Variants in MLLT1 observed in about 807,000 individuals in gnomAD.
The protein encoded by MLLT1 is MLLT1 super elongation complex subunit, also known as protein ENL.
A neutral mutation model predicts 55.1 loss-of-function variants in MLLT1; 11 were observed. The observed-to-expected ratio is 0.20, with a 90% CI of 0.13 to 0.33. The LOEUF (loss-of-function observed/expected upper bound fraction) is 0.33. Among genes scored for constraint, MLLT1 ranks in the 10% least tolerant of loss-of-function variants. The pLI is 1.00. For missense variants in MLLT1, 536 were observed against 760.6 expected (o/e 0.70, Z 3.47); for synonymous variants, 323 against 320.1 (o/e 1.01, Z -0.10).
At position 6,279,822 on chromosome 19, in the gene MLLT1, T is replaced by TCGCCGC. The variant is rs898522554; in HGVS notation, c.-44_-39dup. The TCGCCGC allele has an allele frequency of 3.8e-4, 56 of 148,434 alleles. No homozygotes were observed. Among genetic ancestry groups the TCGCCGC allele is most frequent in the Admixed American group, 1.4e-3 (20 of 14,418 alleles). The allele number at this position is 148,434 out of a possible 1,614,324, so 9.2% of individuals were successfully genotyped here. ...GCCCCGCCCCCGGGCCCCGCGTCGC[T>TCGCCGC]CGCCGCCGCCGCCGCCGCCGCCGCC... On this transcript the variant is annotated 5_prime_UTR_variant, in exon 1 of 12. Transcript: ENST00000252674.
At chr19:6,218,496 C>T (rs950010411) in intron 6 of MLLT1, among the ~76,000 whole-genome samples, 21 of 152,198 alleles carry the variant, frequency 1.4e-4, no homozygotes, top group Admixed American at 1.1e-3. Context: ...CAGTGCTGTC[C>T]GGGGCTCAGG....
At chr19:6,215,979 G>A (rs1406540738) in intron 8 of MLLT1, among the ~76,000 whole-genome samples, 9 of 152,194 alleles carry the variant, frequency 5.9e-5, no homozygotes, top group Non-Finnish European at 1.3e-4. Flanking sequence ...CGCTGCCCCA[G>A]GACGGGCTCT....
rs576609560 is a variant in MLLT1, at chr19:6,219,491, G to C, written c.1111-1450C>G. Among the ~76,000 whole-genome samples, 1 of 152,202 alleles carries C rather than the reference G, an allele frequency of 6.6e-6. No individual in the cohort carries two copies. The highest frequency in any genetic ancestry group is 1.9e-4 in the East Asian group (1 of 5,194). ...AGGGGTGAGTAAGAGGTGACCGAGA[G>C]ATGGCCTATTTAACCCCAGCCTTCT... On this transcript the variant is annotated intron_variant, in intron 6 of 11. Coordinates refer to ENST00000252674, the MANE Select transcript of MLLT1 (RefSeq NM_005934.4). The surrounding 1 kb of genome is among the most constrained non-coding windows in gnomAD (Gnocchi z 4.5).
chr19:6,278,307 C>T (rs2091437837), intron 1 of MLLT1, among the ~76,000 whole-genome samples: 1 of 152,096 alleles, frequency 6.6e-6, no homozygotes, highest in African/African-American at 2.4e-5. Flanking sequence ...GGGGTAGGGG[C>T]TTGGGTATTG....
At chr19:6,245,157 A>G (rs2091155077) in intron 3 of MLLT1, among the ~76,000 whole-genome samples, 1 of 152,024 alleles carries the variant, frequency 6.6e-6, no homozygotes, top group Admixed American at 6.6e-5. Context: ...CCTTAGCAAC[A>G]TAGTGAGACT....
At chr19:6,242,715 C>T (rs1001372808) in intron 3 of MLLT1, among the ~76,000 whole-genome samples, 3 of 152,242 alleles carry the variant, frequency 2.0e-5, no homozygotes, top group South Asian at 2.1e-4. Flanking sequence ...CAAGTTTTAC[C>T]GCCCCAAACA....
Position 6,235,997 on chromosome 19 carries a change from T to G in MLLT1, c.277-5284A>C, listed in dbSNP as rs563937106. ...TCTGTCCCAGCATCCCACTGACCCA[T>G]GAACACCACACACAATGGGACTGTC... is the stretch of plus-strand genomic sequence containing the variant. On this transcript the variant is annotated intron_variant, in intron 3 of 11. Coordinates refer to ENST00000252674, the MANE Select transcript of MLLT1 (RefSeq NM_005934.4). The surrounding 1 kb of genome is among the most constrained non-coding windows in gnomAD (Gnocchi z 5.5). Among the ~76,000 whole-genome samples, 1 of 152,108 alleles carries G rather than the reference T, an allele frequency of 6.6e-6. No homozygotes were observed. Among genetic ancestry groups the G allele is most frequent in the Non-Finnish European group, 1.5e-5 (1 of 68,008 alleles).
chr19:6,276,823 T>G (rs1036554834), intron 1 of MLLT1, among the ~76,000 whole-genome samples: 1 of 151,922 alleles, frequency 6.6e-6, no homozygotes, highest in East Asian at 1.9e-4. Context: ...CGGGTTACGG[T>G]TGGGGCAAAG....
chr19:6,224,535 C>G (rs2090935083), intron 5 of MLLT1, among the ~76,000 whole-genome samples: 1 of 152,218 alleles, frequency 6.6e-6, no homozygotes, highest in South Asian at 2.1e-4. Flanking sequence ...CCACCAAGGG[C>G]AGAATGAGAG....
intron 9 of MLLT1, 60 bp from the exon 10 acceptor site, chr19:6,213,857 C>T (rs1010028049): frequency 3.0e-5 from 47 of 1,588,360 alleles, no homozygotes; most frequent in Admixed American, 1.7e-4. Context: ...CCCCGAAGGC[C>T]CCACAAACCC....
intron 3 of MLLT1, among the ~76,000 whole-genome samples, chr19:6,244,487 G>A (rs531863585): frequency 1.9e-4 from 29 of 151,988 alleles, no homozygotes; most frequent in Non-Finnish European, 3.4e-4. Context: ...TGCCGCCAGC[G>A]GACAGCGAAA....
intron 3 of MLLT1, among the ~76,000 whole-genome samples, chr19:6,236,980 C>T (rs902618913): frequency 1.3e-5 from 2 of 152,226 alleles, no homozygotes; most frequent in African/African-American, 4.8e-5. Flanking sequence ...CTGCTGGCCA[C>T]GAGCCAGCGT....
At chr19:6,265,445 C>T (rs1000561414) in intron 2 of MLLT1, among the ~76,000 whole-genome samples, 3 of 152,028 alleles carry the variant, frequency 2.0e-5, no homozygotes, top group Non-Finnish European at 2.9e-5. Flanking sequence ...CTGAGGAAGG[C>T]GAATCACCTG....
chr19:6,218,389 G>C (rs185272956), intron 6 of MLLT1, among the ~76,000 whole-genome samples: 1 of 152,368 alleles, frequency 6.6e-6, no homozygotes, highest in East Asian at 1.9e-4. Context: ...CCCACAGGTG[G>C]GTGGGCCTTG....
chr19:6,258,579 C>T (rs977024752), intron 3 of MLLT1, among the ~76,000 whole-genome samples: 1 of 152,228 alleles, frequency 6.6e-6, no homozygotes, highest in East Asian at 1.9e-4. Flanking sequence ...TGTAAAAGGA[C>T]ATCCTACCAA....
chr19:6,238,045 C>G (rs1436640066), intron 3 of MLLT1, among the ~76,000 whole-genome samples: 1 of 152,208 alleles, frequency 6.6e-6, no homozygotes, highest in African/African-American at 2.4e-5. Flanking sequence ...TTCGAGGTTG[C>G]AATGAGCTAT....
chr19:6,249,904 C>G (rs1285178898), intron 3 of MLLT1, among the ~76,000 whole-genome samples: 1 of 152,010 alleles, frequency 6.6e-6, no homozygotes, highest in Non-Finnish European at 1.5e-5. Flanking sequence ...CACCTGTGGT[C>G]CCAGTCACTC....
chr19:6,249,289 A>AAT (rs545767136), intron 3 of MLLT1, among the ~76,000 whole-genome samples: 10 of 152,194 alleles, frequency 6.6e-5, no homozygotes, highest in African/African-American at 2.4e-4. Flanking sequence ...CGCGGCTAAA[A>AAT]AATAATAATA....
chr19:6,213,661 C>G, intron 10 of MLLT1, 65 bp downstream of exon 10: 1 of 1,446,528 alleles, frequency 6.9e-7, no homozygotes, highest in South Asian at 1.2e-5. Context: ...GGGTCCTCCA[C>G]TGGCTGCAAC....
Sources: allele counts gnomAD v4.1 joint callset (sites outside exome capture counted in the v4.1 genomes callset), GRCh38; gene constraint gnomAD v4.1.1; non-coding constraint Gnocchi (gnomAD v3.1); transcripts MANE v1.5; gene names NCBI Gene and HGNC (gene_info 2026-07-23, HGNC 2026-07-21).